SHD: variants seen among roughly 807,000 people sequenced by gnomAD.
SHD encodes the protein SH2 domain-containing adapter protein D.
In SHD, 29 loss-of-function variants were observed where a neutral mutation model predicts 31.2. The observed-to-expected ratio is 0.93, with a 90% CI of 0.69 to 1.27. The LOEUF is 1.27. Ranked by LOEUF, SHD falls within the 50% of genes most tolerant of loss-of-function variation. SHD has a pLI of 0.00. For synonymous variants in SHD, 208 were observed against 187.8 expected, an observed-to-expected ratio of 1.11 and a Z score of -0.88; for missense variants, 520 against 453.8, an observed-to-expected ratio of 1.15 and a Z score of -1.33.
chr19:4,289,556 A>G (rs1971355071), intron 5 of SHD, among the ~76,000 whole-genome samples: 2 of 147,534 alleles, frequency 1.4e-5, no homozygotes, highest in African/African-American at 5.0e-5. Flanking sequence ...TCTTATTATT[A>G]TTATTATTTA....
At position 4,289,022 on chromosome 19, in the gene SHD, G is replaced by A. The variant is rs1402124326; in HGVS notation, c.836+660G>A. ...ATAGTGGTGCATACCTGTAATTCCA[G>A]CTACCTCGGAGGCTGAGGCAGGAGA... On this transcript the variant is annotated intron_variant, in intron 5 of 5. Transcript: ENST00000543264. 7.3e-5 allele frequency among the ~76,000 whole-genome samples: 11 copies of A among 151,638 alleles called. No homozygotes were observed. The East Asian group carries it at 1.9e-3, about 27-fold the overall frequency.
At chr19:4,282,371 G>A (rs1971264576) in intron 1 of SHD, among the ~76,000 whole-genome samples, 2 of 151,252 alleles carry the variant, frequency 1.3e-5, no homozygotes, top group Admixed American at 1.3e-4. Flanking sequence ...AGTGAGCCGA[G>A]ATCACACCAC....
chr19:4,284,754 C>A (rs1275732299), intron 3 of SHD, 27 bp from the exon 4 acceptor site: 3 of 1,562,338 alleles, frequency 1.9e-6, no homozygotes. Flanking sequence ...TGGACTTAAC[C>A]CTTTCCTCTC....
intron 4 of SHD, among the ~76,000 whole-genome samples, chr19:4,287,729 G>A (rs1036413676): frequency 6.6e-6 from 1 of 151,652 alleles, no homozygotes; most frequent in African/African-American, 2.4e-5. Context: ...AGGTTGTGGT[G>A]AGCCAAGATT....
intron 4 of SHD, among the ~76,000 whole-genome samples, chr19:4,285,592 C>G (rs1030440298): frequency 1.3e-5 from 2 of 151,878 alleles, no homozygotes; most frequent in Non-Finnish European, 2.9e-5. Context: ...CTGTGTCGCC[C>G]AGGCTGGAGT....
At chr19:4,282,584 C>CG (rs1971267140) in intron 1 of SHD, among the ~76,000 whole-genome samples, 1 of 151,870 alleles carries the variant, frequency 6.6e-6, no homozygotes, top group South Asian at 2.1e-4. Context: ...GGCATGGTGG[C>CG]GGGCGCCTGT....
chr19:4,279,959 C>A lies in SHD; in HGVS notation c.-105C>A. 1 of 1,350,520 alleles carries A rather than the reference C, an allele frequency of 7.4e-7. No homozygotes were observed. Among genetic ancestry groups the A allele is most frequent in the Non-Finnish European group, 9.9e-7 (1 of 1,006,040 alleles). The allele number at this position is 1,350,520 out of a possible 1,614,324, so 83.7% of individuals were successfully genotyped here. ...CTGATCTTTCTCATCCTTCCCTGCT[C>A]TTCCCTTCCTCTCCACCTCCTCCTC... is the stretch of plus-strand genomic sequence containing the variant. On this transcript the variant is annotated 5_prime_UTR_variant, in exon 1 of 6. Transcript: ENST00000543264. The surrounding 1 kb of genome is among the most constrained non-coding windows in gnomAD (Gnocchi z 7.5).
At chr19:4,286,383 G>C (rs1971319209) in intron 4 of SHD, among the ~76,000 whole-genome samples, 1 of 144,550 alleles carries the variant, frequency 6.9e-6, no homozygotes, top group Admixed American at 7.2e-5. Context: ...GTCTCACTCT[G>C]TTGCCCAGGC....
At chr19:4,285,370 G>T (rs1171730303) in intron 4 of SHD, among the ~76,000 whole-genome samples, 2 of 152,148 alleles carry the variant, frequency 1.3e-5, no homozygotes, top group African/African-American at 4.8e-5. Flanking sequence ...GGTGGCACGT[G>T]AGCCGGGAGA....
intron 3 of SHD, 110 bp from the exon 4 acceptor site, chr19:4,284,671 G>C: frequency 7.6e-7 from 1 of 1,313,348 alleles, no homozygotes; most frequent in Admixed American, 2.7e-5. Context: ...GCTGTGATAG[G>C]TTGTCCCAAG....
chr19:4,287,890 TTTTG>T lies in SHD; in HGVS notation c.717-334_717-331del, dbSNP rs141164986. On this transcript the variant is annotated intron_variant, in intron 4 of 5. Coordinates refer to ENST00000543264, the MANE Select transcript of SHD (RefSeq NM_020209.4). ...ACCCAACAGATCCCAGAGTGTGTTTTTTTGTTTGTTTGTTTGTTTGTTCGTTTGT... is the reference window on the plus strand; with the variant it reads ...ACCCAACAGATCCCAGAGTGTGTTTTTTTGTTTGTTTGTTTGTTCGTTTGT... Among the ~76,000 whole-genome samples the T allele has an allele frequency of 6.4e-3, 897 of 139,560 alleles. 10 individuals are homozygous for T. Among genetic ancestry groups the T allele is most frequent in the African/African-American group, 0.023 (789 of 34,978 alleles). 91.6% of individuals were successfully genotyped at this position (139,560 alleles called of 152,430 possible). A position where few individuals can be genotyped will look rare whatever the true frequency, so the allele number is the denominator to read the frequency against.
At chr19:4,283,337 C>T (rs1971276218) in intron 3 of SHD, 95 bp downstream of exon 3, 1 of 1,254,590 alleles carries the variant, frequency 8.0e-7, no homozygotes, top group African/African-American at 1.5e-5. Context: ...AAGTAGAGTC[C>T]AATTACTTGT....
chr19:4,290,238 G>A (rs555531988), intron 5 of SHD, among the ~76,000 whole-genome samples: 2 of 152,180 alleles, frequency 1.3e-5, no homozygotes, highest in African/African-American at 4.8e-5. Flanking sequence ...GGTCTCTAAC[G>A]CCTGGCCTGG....
Position 4,290,534 on chromosome 19 carries a change from C to A in SHD, c.924C>A (p.Ser308Arg). ...VLGQHSGPFP[S>R]VPELVLHYSS... is the part of the protein sequence containing the mutation. ...GCCAACACAGCGGGCCCTTCCCCAG[C>A]GTGCCCGAGCTCGTCCTCCACTACA... Residue 308 changes from serine (S) to arginine (R), a missense_variant, in exon 6 of 6, where the codon AGC (serine) becomes AGA (arginine). Transcript: ENST00000543264. 6.2e-7 allele frequency: 1 copy of A among 1,613,658 alleles called. No individual in the cohort carries two copies. Among genetic ancestry groups the A allele is most frequent in the Non-Finnish European group, 8.5e-7 (1 of 1,180,012 alleles).
chr19:4,288,405 G>T (rs752158793), intron 5 of SHD, 43 bp downstream of exon 5: 2 of 1,582,464 alleles, frequency 1.3e-6, no homozygotes, highest in African/African-American at 1.4e-5. Flanking sequence ...ACAGGATTGC[G>T]TGAGTCACCC....
intron 3 of SHD, 34 bp from the exon 4 acceptor site, chr19:4,284,747 A>G: frequency 6.5e-7 from 1 of 1,547,080 alleles, no homozygotes; most frequent in Non-Finnish European, 8.8e-7. Flanking sequence ...GGTAGGCTGG[A>G]CTTAACCCTT....
intron 4 of SHD, 82 bp from the exon 5 acceptor site, chr19:4,288,161 T>G: frequency 2.0e-6 from 3 of 1,484,148 alleles, no homozygotes; most frequent in Non-Finnish European, 2.7e-6. Flanking sequence ...CGCGTCAGCC[T>G]CCCAAAGTGC....
chr19:4,283,814 G>A (rs1001461322), intron 3 of SHD, among the ~76,000 whole-genome samples: 9 of 150,864 alleles, frequency 6.0e-5, no homozygotes, highest in Admixed American at 3.3e-4. Context: ...TTCTGACCTC[G>A]TGATCCACCC....
At chr19:4,280,463 T>G in intron 1 of SHD, 103 bp downstream of exon 1, 1 of 1,312,040 alleles carries the variant, frequency 7.6e-7, no homozygotes, top group Middle Eastern at 2.7e-4. Context: ...AGGAGGGGAC[T>G]GGGGCACCAG....
Sources: allele counts gnomAD v4.1 joint callset (sites outside exome capture counted in the v4.1 genomes callset), GRCh38; gene constraint gnomAD v4.1.1; non-coding constraint Gnocchi (gnomAD v3.1); transcripts MANE v1.5; gene names NCBI Gene and HGNC (gene_info 2026-07-23, HGNC 2026-07-21).